The following CDKL5 variants were observed in gnomAD, a reference collection of about 807,000 sequenced individuals.
CDKL5 encodes cyclin dependent kinase like 5.
Under a neutral mutation model 61.7 loss-of-function variants are expected in CDKL5, and 8 were observed. The ratio of observed to expected loss-of-function variants is 0.13; its 90% confidence interval spans 0.08 to 0.23. The LOEUF (loss-of-function observed/expected upper bound fraction) is 0.23, where lower values mean the gene tolerates loss of function less well. Ranked by LOEUF, CDKL5 falls within the 10% of genes least tolerant of loss-of-function variation. The probability of loss-of-function intolerance (pLI) is 1.00; values close to 1 mark genes in which losing one functional copy is unlikely to be tolerated. For missense variants in CDKL5, 440 were observed against 734.5 expected (o/e 0.60, Z 4.63); for synonymous variants, 275 against 272.3 (o/e 1.01, Z -0.10).
rs1927235708 is a variant in CDKL5 at position 18,631,507 on chromosome X, A to G, written c.*2750A>G. 1 of 752,993 alleles carries G rather than the reference A, an allele frequency of 1.3e-6. No homozygotes were observed. The highest frequency in any genetic ancestry group is 2.3e-5 in the African/African-American group (1 of 43,327). 62.1% of individuals were successfully genotyped at this position (752,993 alleles called of 1,213,427 possible). A position where few individuals can be genotyped will look rare whatever the true frequency, so the allele number is the denominator to read the frequency against. ...TGTTTTCCCCTGTTGATGAAAAATT[A>G]CTGACATCACAAAGATTGCCATCCA... is the stretch of plus-strand genomic sequence containing the variant. On this transcript the variant is annotated 3_prime_UTR_variant, in exon 18 of 18. Coordinates refer to ENST00000623535, the MANE Select transcript of CDKL5 (RefSeq NM_001323289.2).
rs570964269 is a variant in CDKL5, at chrX:18,579,712, T to G, written c.283-136T>G. On this transcript the variant is annotated intron_variant, in intron 5 of 17. Coordinates refer to ENST00000623535, the MANE Select transcript of CDKL5 (RefSeq NM_001323289.2). The stretch of plus-strand genomic sequence containing the variant: ...TTAATGCTGATTCAGCATGAGAAAG[T>G]TGTAGATAGAAAGCAAAACAATTAA... The G allele has an allele frequency of 4.4e-3, 2,533 of 579,987 alleles. 10 individuals carry two copies. Among genetic ancestry groups the G allele is most frequent in the Middle Eastern group, 0.016 (31 of 1,888 alleles). 47.8% of individuals were successfully genotyped at this position (579,987 alleles called of 1,213,427 possible).
chrX:18,651,532 G>T (rs143868987), intron 21 of CDKL5, among the ~76,000 whole-genome samples: 1 of 110,976 alleles, frequency 9.0e-6, no homozygotes, highest in African/African-American at 3.3e-5. Flanking sequence ...CTCTGGGCAC[G>T]CTCAGAAAAC....
Position 18,588,061 on chromosome X carries a change from T to G in CDKL5, c.662T>G (p.Phe221Cys). 1 of 1,210,338 alleles carries G rather than the reference T, an allele frequency of 8.3e-7. No individual in the cohort carries two copies. Among genetic ancestry groups the G allele is most frequent in the Non-Finnish European group, 1.1e-6 (1 of 894,406 alleles). Residue 221 changes from phenylalanine (F) to cysteine (C), a missense_variant, in exon 9 of 18, where the codon TTT becomes TGT. By Grantham distance (205) the Phe-to-Cys change is radical (BLOSUM62 -2). This residue lies in a region of CDKL5 where 77 missense variants were observed against 218.2 expected (regional missense o/e 0.35). Coordinates refer to ENST00000623535, the MANE Select transcript of CDKL5 (RefSeq NM_001323289.2). ...FPGESEIDQL[F>C]TIQKVLGPLP... ...GGAGAAAGTGAAATTGACCAACTTT[T>G]TACTATTCAGAAGGTGCTAGGACCA...
At chrX:18,504,011 C>G (rs997596251) in intron 1 of CDKL5, among the ~76,000 whole-genome samples, 12 of 111,802 alleles carry the variant, frequency 1.1e-4, no homozygotes, top group African/African-American at 3.6e-4. Context: ...CCAGCAGCCT[C>G]CCAAAGTGCT....
At chrX:18,613,107 A>G (rs748407279) in intron 14 of CDKL5, 45 bp from the exon 15 acceptor site, 19 of 1,068,990 alleles carry the variant, frequency 1.8e-5, no homozygotes, top group Non-Finnish European at 2.3e-5. Flanking sequence ...AAAAAAAAAA[A>G]AAAAAAAGAA....
At chrX:18,507,290 A>T in intron 2 of CDKL5, 130 bp downstream of exon 2, 1 of 459,526 alleles carries the variant, frequency 2.2e-6, no homozygotes, top group South Asian at 3.8e-5. Flanking sequence ...TAAGAGTAAA[A>T]TATTAAAAAT....
intron 20 of CDKL5, chrX:18,647,169 A>G (rs1422448055): frequency 1.7e-6 from 2 of 1,207,675 alleles, no homozygotes; most frequent in Admixed American, 2.2e-5. Context: ...CACATGAAAA[A>G]AAATCCCCGG....
chrX:18,524,017 C>A (rs1923344909), intron 3 of CDKL5, among the ~76,000 whole-genome samples: 1 of 111,461 alleles, frequency 9.0e-6, no homozygotes, highest in Non-Finnish European at 1.9e-5. Context: ...GTATAAGGTA[C>A]CATCTGTGAA....
chrX:18,445,076 C>CTT lies in CDKL5; in HGVS notation c.-163+19399_-163+19400dup, dbSNP rs1187295211. 3.5e-3 allele frequency among the ~76,000 whole-genome samples: 318 copies of CTT among 91,083 alleles called. 4 individuals carry two copies. In the Middle Eastern group the frequency reaches 0.039, roughly 11 times the overall value. 79.1% of individuals were successfully genotyped at this position (91,083 alleles called of 115,157 possible). On this transcript the variant is annotated intron_variant, in intron 1 of 17. Transcript: ENST00000623535. ...GGGGTTTTCCCTTCTGTTTGGGTCA[C>CTT]TTTTTTTTTTTTTTTTTTTGAGACG... is the stretch of plus-strand genomic sequence containing the variant.
intron 15 of CDKL5, among the ~76,000 whole-genome samples, chrX:18,614,972 AGTAAT>A (rs1487344573): frequency 2.7e-5 from 3 of 112,773 alleles, no homozygotes; most frequent in Non-Finnish European, 3.7e-5. Flanking sequence ...AGACAGTGTT[AGTAAT>A]GTATTATTTC....
At chrX:18,580,073 G>T in intron 6 of CDKL5, 105 bp downstream of exon 6, 5 of 697,987 alleles carry the variant, frequency 7.2e-6, no homozygotes, top group Non-Finnish European at 1.1e-5. Flanking sequence ...CATTGGCATT[G>T]CCATTTAAAT....
intron 4 of CDKL5, among the ~76,000 whole-genome samples, chrX:18,567,194 G>C (rs1924996943): frequency 9.0e-6 from 1 of 111,673 alleles, no homozygotes; most frequent in Non-Finnish European, 1.9e-5. Flanking sequence ...CTCTTTTGGA[G>C]TGTGAAGTGT....
chrX:18,602,390 G>A (rs774205044), intron 11 of CDKL5, among the ~76,000 whole-genome samples: 60 of 112,247 alleles, frequency 5.3e-4, no homozygotes, highest in African/African-American at 1.8e-3. Context: ...TTAGGATATA[G>A]GGACTTTATT....
At chrX:18,582,747 A>G (rs1036338428) in intron 7 of CDKL5, among the ~76,000 whole-genome samples, 3 of 111,640 alleles carry the variant, frequency 2.7e-5, no homozygotes, top group African/African-American at 9.7e-5. Context: ...ATTAGTGCAT[A>G]GGAGATGAAT....
intron 5 of CDKL5, among the ~76,000 whole-genome samples, chrX:18,577,219 G>C (rs1364535793): frequency 2.7e-5 from 3 of 111,499 alleles, no homozygotes; most frequent in Non-Finnish European, 5.6e-5. Flanking sequence ...AAATGGAGAA[G>C]TCACTTCTGT....
rs149320936 is a variant in CDKL5, at chrX:18,475,295, T to C, written c.-162-31640T>C. 4.4e-3 allele frequency among the ~76,000 whole-genome samples: 484 copies of C among 110,784 alleles called. 4 individuals are homozygous for C. The highest frequency in any genetic ancestry group is 0.014 in the African/African-American group (437 of 30,445). ...ATTTTTATTTCTTTTCTTTTCTTTTTTTCTTCTTTGTTTTTTTGAGACAGT... is the reference window on the plus strand; with the variant it reads ...ATTTTTATTTCTTTTCTTTTCTTTTCTTCTTCTTTGTTTTTTTGAGACAGT... On this transcript the variant is annotated intron_variant, in intron 1 of 17. Transcript: ENST00000623535.
In CDKL5 at chrX:18,638,348, A is replaced by T. The variant is rs1038135125; in HGVS notation, c.*9591A>T. 2 of 112,377 alleles carry T rather than the reference A, an allele frequency of 1.8e-5. No individual in the cohort carries two copies. The highest frequency in any genetic ancestry group is 6.5e-5 in the African/African-American group (2 of 30,889). 9.3% of individuals were successfully genotyped at this position (112,377 alleles called of 1,213,427 possible). The stretch of plus-strand genomic sequence containing the variant: ...TATATTTTACCGCAATTTTTAAACA[A>T]ACTCCAGTGTAGACCGTGCTCTAGC... On this transcript the variant is annotated 3_prime_UTR_variant, in exon 18 of 18. Transcript: ENST00000623535.
Position 18,628,422 on chromosome X carries a change from A to G in CDKL5, c.2548A>G (p.Asn850Asp). ...RKLLHLSSAS[N>D]HPASSDPRFQ... ...GTTGTTACATCTCTCTTCGGCCTCA[A>G]ATCACCCGGCTTCCTCAGATCCCCG... Residue 850 changes from asparagine (N) to aspartate (D), a missense_variant, in exon 18 of 18, where the codon AAT (asparagine) becomes GAT (aspartate). Asn to Asp is a conservative substitution (Grantham distance 23). Transcript: ENST00000623535. The G allele has an allele frequency of 4.1e-6, 5 of 1,211,559 alleles. No individual in the cohort carries two copies. Among genetic ancestry groups the G allele is most frequent in the Non-Finnish European group, 5.6e-6 (5 of 895,277 alleles).
intron 11 of CDKL5, among the ~76,000 whole-genome samples, chrX:18,601,482 T>G (rs1926177285): frequency 8.9e-6 from 1 of 112,836 alleles, no homozygotes; most frequent in South Asian, 3.6e-4. Context: ...CTTACAGTTG[T>G]GTGTCGAAGA....
Sources: allele counts gnomAD v4.1 joint callset (sites outside exome capture counted in the v4.1 genomes callset), GRCh38; gene constraint gnomAD v4.1.1; regional missense constraint gnomAD v4.1.1; transcripts MANE v1.5; gene names NCBI Gene and HGNC (gene_info 2026-07-23, HGNC 2026-07-21).